The following FLT4 variants were observed in gnomAD, a reference collection of about 807,000 sequenced individuals.
FLT4 encodes vascular endothelial growth factor receptor 3.
FLT4 carries 30 observed loss-of-function variants against 163.2 expected under a neutral mutation model. The ratio of observed to expected loss-of-function variants is 0.18; its 90% CI spans 0.14 to 0.25. The LOEUF is 0.25. Ranked by LOEUF, FLT4 falls within the 10% of genes least tolerant of loss-of-function variation. The pLI, the probability that FLT4 is intolerant of heterozygous loss-of-function variation, is 1.00. For missense variants in FLT4, 1,510 were observed against 1,863.8 expected, an observed-to-expected ratio of 0.81 and a Z score of 3.50; for synonymous variants, 884 against 789.5, an observed-to-expected ratio of 1.12 and a Z score of -2.01.
At chr5:180,628,118 G>A (rs1324140751) in intron 8 of FLT4, among the ~76,000 whole-genome samples, 2 of 152,212 alleles carry the variant, frequency 1.3e-5, no homozygotes, top group Non-Finnish European at 2.9e-5. Flanking sequence ...GCTCAGTGCA[G>A]AGACCCCTCC....
intron 8 of FLT4, among the ~76,000 whole-genome samples, chr5:180,627,362 C>T (rs1486874214): frequency 6.6e-6 from 1 of 152,098 alleles, no homozygotes; most frequent in African/African-American, 2.4e-5. Flanking sequence ...AGGGGCGGAA[C>T]TGAGGTGGTG....
chr5:180,626,274 G>T lies in FLT4; in HGVS notation c.1104-9C>A. Reference sequence around the variant, plus strand: ...CCTTTCCATCCTTGTACCTGGCCAGGGAAGGGAGGTCAGGGCCCATACAGA... The same window carrying T: ...CCTTTCCATCCTTGTACCTGGCCAGTGAAGGGAGGTCAGGGCCCATACAGA... On this transcript the variant is annotated splice_polypyrimidine_tract_variant and intron_variant, in intron 8 of 29. Coordinates refer to ENST00000261937, the MANE Select transcript of FLT4 (RefSeq NM_182925.5). 6.2e-7 allele frequency: 1 copy of T among 1,611,280 alleles called. No homozygotes were observed.
intron 8 of FLT4, among the ~76,000 whole-genome samples, chr5:180,627,697 C>T (rs988375577): frequency 6.6e-6 from 1 of 152,192 alleles, no homozygotes; most frequent in African/African-American, 2.4e-5. Context: ...TTCTGAGAGG[C>T]AGCTGCCTGA....
Position 180,609,042 on chromosome 5 carries a change from T to C in FLT4, c.3819A>G (p.Thr1273=). Residue 1273 remains threonine, a synonymous_variant, in exon 29 of 30, where the codon ACA becomes ACG. Coordinates refer to ENST00000261937, the MANE Select transcript of FLT4 (RefSeq NM_182925.5). ...TTYKGSVDNQ[T]DSGMVLASEE... ...CCGAGGCCAGCACCATCCCACTGTC[T>C]GTCTGGTTGTCCTGTGTGGAGAGGA... 1 of 1,614,202 alleles carries C rather than the reference T, an allele frequency of 6.2e-7. No homozygotes were observed. The highest frequency in any genetic ancestry group is 1.1e-5 in the South Asian group (1 of 91,088).
chr5:180,621,737 C>T lies in FLT4; in HGVS notation c.1825G>A (p.Asp609Asn), dbSNP rs144803521. Residue 609 changes from aspartate (D) to asparagine (N), a missense_variant, in exon 13 of 30, where the codon GAC becomes AAC. By Grantham distance (23) the Asp-to-Asn change is conservative. Coordinates refer to ENST00000261937, the MANE Select transcript of FLT4 (RefSeq NM_182925.5). ...GCGAACAGATGCACGTTCTTGCAGTCGAGCAGAAGCGGGTTCCCGTGCGCA... is the reference window on the plus strand; with the variant it reads ...GCGAACAGATGCACGTTCTTGCAGTTGAGCAGAAGCGGGTTCCCGTGCGCA... ...HDAHGNPLLL[D>N]CKNVHLFATP... 8.7e-6 allele frequency: 14 copies of T among 1,612,896 alleles called. No individual in the cohort carries two copies. The South Asian group carries it at 9.9e-5, about 11-fold the overall frequency.
intron 22 of FLT4, 126 bp from the exon 23 acceptor site, chr5:180,616,615 T>C (rs1762711505): frequency 9.5e-7 from 1 of 1,049,636 alleles, no homozygotes; most frequent in African/African-American, 1.6e-5. Context: ...TGTGCTCCTT[T>C]GGGGAAGGAT....
In FLT4 at chr5:180,622,786, A is replaced by G. The variant is rs759956103; in HGVS notation, c.1602T>C (p.Cys534=). The G allele has an allele frequency of 5.6e-6, 9 of 1,613,514 alleles. No homozygotes were observed. Among genetic ancestry groups the G allele is most frequent in the Non-Finnish European group, 7.6e-6 (9 of 1,179,928 alleles). Residue 534 remains cysteine, a synonymous_variant, in exon 12 of 30, where the codon TGT becomes TGC. Transcript: ENST00000261937. Reference sequence around the variant, plus strand: ...CCTGGCCCACCTTGTTGGAGACCACACACTTGTACATGGCAGACACGTTGG... The same window carrying G: ...CCTGGCCCACCTTGTTGGAGACCACGCACTTGTACATGGCAGACACGTTGG... The part of the protein sequence containing the change: ...QNANVSAMYK[C]VVSNKVGQDE...
In FLT4 at chr5:180,611,305, A is replaced by ACTC. The variant is rs576039334; in HGVS notation, c.3686+23_3686+25dup. On this transcript the variant is annotated intron_variant, in intron 27 of 29. Transcript: ENST00000261937. ...TGTCCACATGGCTTTCTCCCACCCTACTCCTGGACCTGCAGGACAGCTGAC... is the reference window on the plus strand; with the variant it reads ...TGTCCACATGGCTTTCTCCCACCCTACTCCTCCTGGACCTGCAGGACAGCTGAC... The ACTC allele has an allele frequency of 1.2e-5, 20 of 1,612,786 alleles. No individual in the cohort carries two copies. The Admixed American group carries it at 3.0e-4, about 24-fold the overall frequency.
At chr5:180,649,614 C>T, upstream of FLT4, 1 of 967,964 alleles carries the variant, frequency 1.0e-6, no homozygotes, top group Non-Finnish European at 1.3e-6. Flanking sequence ...CGCGCGGGCG[C>T]CGGCTGGCCT....
intron 1 of FLT4, among the ~76,000 whole-genome samples, chr5:180,644,757 G>A (rs1288665360): frequency 1.3e-5 from 2 of 152,262 alleles, no homozygotes; most frequent in Admixed American, 6.5e-5. Flanking sequence ...TGCATGTGCC[G>A]GTGCACGCTT....
intron 1 of FLT4, among the ~76,000 whole-genome samples, chr5:180,640,476 A>G (rs1406485137): frequency 1.3e-5 from 2 of 152,190 alleles, no homozygotes; most frequent in African/African-American, 4.8e-5. Context: ...AGACCCCTGC[A>G]GGCAGGAAGG....
chr5:180,612,878 G>A (rs1323935037), intron 25 of FLT4, 133 bp downstream of exon 25: 18 of 721,756 alleles, frequency 2.5e-5, no homozygotes, highest in East Asian at 1.7e-4. Context: ...CAGACTACCC[G>A]TGTATCTTGA....
At chr5:180,608,357 TC>T in intron 29 of FLT4, 3 of 700,386 alleles carry the variant, frequency 4.3e-6, no homozygotes, top group Non-Finnish European at 7.8e-6. Flanking sequence ...CGACTCACCC[TC>T]CTGACCCTGC....
chr5:180,642,094 C>A (rs957373412), intron 1 of FLT4, among the ~76,000 whole-genome samples: 7 of 151,886 alleles, frequency 4.6e-5, no homozygotes, highest in Non-Finnish European at 7.4e-5. Flanking sequence ...GCAGTCCCAG[C>A]TACTCGAGAG....
rs748126753 is a variant in FLT4, at chr5:180,603,252, G to A, written c.4032C>T (p.Ser1344=). Residue 1344 remains serine, a synonymous_variant, in exon 30 of 30, where the codon AGC becomes AGT. Transcript: ENST00000261937. ...NSEYGELSEP[S]EEDHCSPSAR... is the part of the protein sequence containing the mutation. ...CAGACGGGGAGCAGTGGTCCTCCTC[G>A]CTTGGCTCCGACAGCTCCCCATACT... The A allele has an allele frequency of 2.0e-5, 32 of 1,614,168 alleles. No homozygotes were observed. The highest frequency in any genetic ancestry group is 3.3e-4 in the Middle Eastern group (2 of 6,062).
Position 180,621,543 on chromosome 5 carries a change from C to G in FLT4, c.2019G>C (p.Gln673His). 6.2e-7 allele frequency: 1 copy of G among 1,611,884 alleles called. No individual in the cohort carries two copies. The highest frequency in any genetic ancestry group is 8.5e-7 in the Non-Finnish European group (1 of 1,179,582). The change falls in exon 13 of 30, where the codon CAG (glutamine) becomes CAC (histidine). Residue 673 changes from glutamine (Q) to histidine (H), a missense_variant and splice_region_variant. By Grantham distance (24) the Gln-to-His change is conservative. Transcript: ENST00000261937. The part of the protein sequence containing the change: ...KHCHKKYLSV[Q>H]ALEAPRLTQN... ...CGCCCTCCCCGCGGCCAGCCTCACC[C>G]TGCACCGACAGGTACTTCTTGTGGC...
Position 180,630,098 on chromosome 5 carries a change from G to C in FLT4, c.521C>G (p.Ser174Trp). 6.2e-7 allele frequency: 1 copy of C among 1,612,628 alleles called. No individual in the cohort carries two copies. The highest frequency in any genetic ancestry group is 1.1e-5 in the South Asian group (1 of 91,066). Residue 174 changes from serine to tryptophan, a missense_variant, in exon 5 of 30, where the codon TCG becomes TGG. Around this residue, in one of 5 missense-constraint regions of FLT4, gnomAD observed 163 missense variants for 281.1 expected, o/e 0.58. Transcript: ENST00000261937. This position sits in a 1 kb window ranked among gnomAD's most constrained non-coding sequence, Gnocchi z 6.3. The part of the protein sequence containing the change: ...GLNVTLRSQS[S>W]VLWPDGQEVV... ...CTCCTGCCCGTCTGGCCACAGCACCGAGCTTTGCTGGAGGGACAAGGCCAC... is the reference window on the plus strand; with the variant it reads ...CTCCTGCCCGTCTGGCCACAGCACCCAGCTTTGCTGGAGGGACAAGGCCAC...
intron 25 of FLT4, 46 bp downstream of exon 25, chr5:180,612,965 C>T (rs775413113): frequency 8.8e-6 from 13 of 1,474,620 alleles, no homozygotes; most frequent in South Asian, 2.4e-5. Context: ...CCCACGCCCC[C>T]GACGCTTGCT....
chr5:180,621,943 G>C, intron 12 of FLT4, 39 bp from the exon 13 acceptor site: 1 of 1,610,648 alleles, frequency 6.2e-7, no homozygotes, highest in South Asian at 1.1e-5. Context: ...ACTGCCCTGG[G>C]AGTTTGCTCC....
Sources: allele counts gnomAD v4.1 joint callset (sites outside exome capture counted in the v4.1 genomes callset), GRCh38; gene constraint gnomAD v4.1.1; regional missense constraint gnomAD v4.1.1; non-coding constraint Gnocchi (gnomAD v3.1); transcripts MANE v1.5; gene names NCBI Gene and HGNC (gene_info 2026-07-23, HGNC 2026-07-21).